Variants in NLRC5 observed in about 807,000 individuals in gnomAD.
The protein encoded by NLRC5 is protein NLRC5.
A neutral mutation model predicts 206.9 loss-of-function variants in NLRC5; 114 were observed. That is an observed-to-expected ratio of 0.55 (90% CI 0.47 to 0.64). The LOEUF is 0.64. Ranked by LOEUF, NLRC5 falls within the 30% of genes least tolerant of loss-of-function variation. The pLI, the probability that NLRC5 is intolerant of heterozygous loss-of-function variation, is 0.00. For missense variants in NLRC5, 2,008 were observed against 2,305.5 expected (o/e 0.87, Z 2.64); for synonymous variants, 952 against 962.8 (o/e 0.99, Z 0.21).
intron 20 of NLRC5, among the ~76,000 whole-genome samples, chr16:57,045,075 C>T (rs1054573194): frequency 3.3e-5 from 5 of 151,838 alleles, no homozygotes; most frequent in African/African-American, 4.8e-5. Context: ...CATGGTGGGG[C>T]GTTCCTGTAG....
chr16:57,046,689 G>A (rs1427469482), intron 22 of NLRC5, 48 bp downstream of exon 22: 1 of 1,485,362 alleles, frequency 6.7e-7, no homozygotes, highest in African/African-American at 1.4e-5. Flanking sequence ...ATAGGGATGA[G>A]GCGTCAGAGG....
At chr16:56,996,512 C>T (rs1178378845) in intron 1 of NLRC5, among the ~76,000 whole-genome samples, 1 of 152,032 alleles carries the variant, frequency 6.6e-6, no homozygotes, top group African/African-American at 2.4e-5. Context: ...ATGATACCTT[C>T]AGTTCGTGGC....
intron 23 of NLRC5, chr16:57,047,873 TC>T: frequency 1.8e-6 from 1 of 546,466 alleles, no homozygotes. Context: ...ACCTGCACCA[TC>T]CACTCAACTC....
intron 32 of NLRC5, among the ~76,000 whole-genome samples, chr16:57,064,447 C>A (rs2066875641): frequency 6.6e-6 from 1 of 152,200 alleles, no homozygotes; most frequent in South Asian, 2.1e-4. Flanking sequence ...TCTTAAACAA[C>A]CACCATGAAC....
Position 57,045,475 on chromosome 16 carries a change from A to AG in NLRC5, c.3235dup (p.Asp1079GlyfsTer38), listed in dbSNP as rs1336301877. On this transcript the variant is annotated frameshift_variant, in exon 21 of 49. Transcript: ENST00000688547. LOFTEE classifies it high-confidence loss of function. Reference sequence around the variant, plus strand: ...TTGAAAGCCAACACATCCTCCTGAGAGGGGACAAGACAAGCAGGTGAGGAG... The same window carrying AG: ...TTGAAAGCCAACACATCCTCCTGAGAGGGGGACAAGACAAGCAGGTGAGGAG... The AG allele has an allele frequency of 1.9e-6, 3 of 1,613,912 alleles. No homozygotes were observed. The highest frequency in any genetic ancestry group is 1.3e-5 in the African/African-American group (1 of 74,898).
chr16:57,000,494 C>T (rs531418912), intron 1 of NLRC5, among the ~76,000 whole-genome samples: 1 of 152,188 alleles, frequency 6.6e-6, no homozygotes, highest in East Asian at 1.9e-4. Flanking sequence ...GGAGTGCAGG[C>T]ATGAATTTGA....
At chr16:56,997,681 C>T (rs1312240256) in intron 1 of NLRC5, among the ~76,000 whole-genome samples, 1 of 152,106 alleles carries the variant, frequency 6.6e-6, no homozygotes, top group Non-Finnish European at 1.5e-5. Context: ...TCAAGTGATC[C>T]TCCCACCTCT....
At chr16:57,010,236 G>A (rs2059349590) in intron 1 of NLRC5, among the ~76,000 whole-genome samples, 1 of 152,222 alleles carries the variant, frequency 6.6e-6, no homozygotes, top group Non-Finnish European at 1.5e-5. Context: ...CACTTGGCAA[G>A]TAGCAAATAT....
chr16:57,049,013 A>C (rs2064420770), intron 23 of NLRC5, among the ~76,000 whole-genome samples: 1 of 152,172 alleles, frequency 6.6e-6, no homozygotes, highest in Admixed American at 6.5e-5. Context: ...AAGGGTGTCC[A>C]ATCTTTTGGC....
intron 1 of NLRC5, among the ~76,000 whole-genome samples, chr16:57,003,052 T>TGTTC (rs1256496906): frequency 2.1e-5 from 3 of 145,534 alleles, no homozygotes; most frequent in Admixed American, 7.4e-5. Flanking sequence ...TTGAGGTGTT[T>TGTTC]GTTTGTTTGT....
intron 4 of NLRC5, 76 bp downstream of exon 4, chr16:57,022,391 G>A: frequency 3.6e-6 from 2 of 554,520 alleles, no homozygotes; most frequent in Non-Finnish European, 5.6e-6. Context: ...GGAGGAGGCT[G>A]TGGAGGCTGT....
chr16:57,014,651 A>C (rs2059840560), intron 1 of NLRC5, among the ~76,000 whole-genome samples: 1 of 152,112 alleles, frequency 6.6e-6, no homozygotes, highest in Admixed American at 6.6e-5. Context: ...GTTAACTTAG[A>C]GTGGGTTTTA....
chr16:57,078,466 G>GTTTTTTTT (rs71383218), intron 43 of NLRC5, among the ~76,000 whole-genome samples: 4 of 92,208 alleles, frequency 4.3e-5, no homozygotes, highest in South Asian at 4.1e-4. Context: ...CTGGGACCTT[G>GTTTTTTTT]TTTTTTTTTT....
At chr16:57,060,673 C>T (rs1340848857) in intron 30 of NLRC5, among the ~76,000 whole-genome samples, 1 of 151,994 alleles carries the variant, frequency 6.6e-6, no homozygotes, top group Non-Finnish European at 1.5e-5. Flanking sequence ...CAGCCATAAC[C>T]TTCACTATTT....
At chr16:57,054,871 G>A (rs755869597) in intron 25 of NLRC5, 31 bp downstream of exon 25, 43 of 1,605,672 alleles carry the variant, frequency 2.7e-5, no homozygotes, top group East Asian at 8.9e-5. Context: ...GCCAGGACTC[G>A]TCCTGAAGGG....
At chr16:57,021,413 C>T (rs946608341) in intron 3 of NLRC5, among the ~76,000 whole-genome samples, 7 of 152,148 alleles carry the variant, frequency 4.6e-5, no homozygotes, top group African/African-American at 1.7e-4. Flanking sequence ...GGCTGGAGTG[C>T]AGTGGCACAA....
chr16:57,051,498 G>A, intron 23 of NLRC5, 40 bp from the exon 24 acceptor site: 8 of 1,496,548 alleles, frequency 5.3e-6, no homozygotes, highest in Non-Finnish European at 7.5e-6. Context: ...TGCTTTCCTG[G>A]AAGGTTTCCC....
Position 57,070,542 on chromosome 16 carries a change from A to G in NLRC5, c.4591A>G (p.Asn1531Asp). Residue 1531 changes from asparagine (N) to aspartate (D), a missense_variant, in exon 38 of 49, where the codon AAC becomes GAC. Coordinates refer to ENST00000688547, the MANE Select transcript of NLRC5 (RefSeq NM_001384950.1). Reference sequence around the variant, plus strand: ...CTGCCTGGTCTTCTGCAGCTTGTCTAACAATCAATTTGATGAGGAGGGCAC... The same window carrying G: ...CTGCCTGGTCTTCTGCAGCTTGTCTGACAATCAATTTGATGAGGAGGGCAC... ...CHHLEELDLS[N>D]NQFDEEGTKA... 6.2e-7 allele frequency: 1 copy of G among 1,614,060 alleles called. No homozygotes were observed. The highest frequency in any genetic ancestry group is 8.5e-7 in the Non-Finnish European group (1 of 1,179,986).
chr16:57,026,983 G>T lies in NLRC5; in HGVS notation c.2040G>T (p.Glu680Asp), dbSNP rs1408558936. ...GTCCCCTGGAGCCCCACTGCCCTGA[G>T]GCTCTGGTAGGCTGTGGGCAGATAG... Reference protein sequence around the residue: ...DGCPLEPHCPEALVGCGQIEN... With the variant: ...DGCPLEPHCPDALVGCGQIEN... The change falls in exon 6 of 49, where the codon GAG becomes GAT. Residue 680 changes from glutamate (E) to aspartate (D), a missense_variant. By Grantham distance (45) the Glu-to-Asp change is conservative. Transcript: ENST00000688547. 9.9e-6 allele frequency: 16 copies of T among 1,614,040 alleles called. No homozygotes were observed. The highest frequency in any genetic ancestry group is 1.7e-5 in the Admixed American group (1 of 60,000).
Sources: allele counts gnomAD v4.1 joint callset (sites outside exome capture counted in the v4.1 genomes callset), GRCh38; gene constraint gnomAD v4.1.1; transcripts MANE v1.5; gene names NCBI Gene and HGNC (gene_info 2026-07-23, HGNC 2026-07-21).